The following FHIT variants were observed in gnomAD, a reference collection of about 807,000 sequenced individuals.
FHIT encodes the protein fragile histidine triad diadenosine triphosphatase, also known as bis(5'-adenosyl)-triphosphatase.
In FHIT, 19 loss-of-function variants were observed where a neutral mutation model predicts 17.9. The observed-to-expected ratio is 1.06, with a 90% CI of 0.74 to 1.56. The LOEUF (loss-of-function observed/expected upper bound fraction) is 1.56, where lower values mean the gene tolerates loss of function less well. FHIT is among the 40% of genes most tolerant of loss of function. FHIT has a pLI of 0.00. For missense variants in FHIT, 248 were observed against 189.2 expected, an observed-to-expected ratio of 1.31 and a Z score of -1.82; for synonymous variants, 81 against 69.7, an observed-to-expected ratio of 1.16 and a Z score of -0.81.
At chr3:60,039,124 G>C (rs1202597063) in intron 5 of FHIT, among the ~76,000 whole-genome samples, 1 of 152,102 alleles carries the variant, frequency 6.6e-6, no homozygotes, top group Non-Finnish European at 1.5e-5. Context: ...TCCCTCTCTG[G>C]CTCCTTAAGG....
chr3:60,087,107 G>C (rs754664507), intron 5 of FHIT, among the ~76,000 whole-genome samples: 4 of 152,218 alleles, frequency 2.6e-5, no homozygotes, highest in Non-Finnish European at 2.9e-5. Flanking sequence ...CTCATGGCTT[G>C]CACCCTCCAG....
intron 3 of FHIT, among the ~76,000 whole-genome samples, chr3:60,826,549 T>C (rs1308394694): frequency 6.6e-6 from 1 of 152,120 alleles, no homozygotes; most frequent in East Asian, 1.9e-4. Context: ...TGGTCGAGGT[T>C]AGTTTTTTAA....
chr3:60,401,295 G>C (rs1701647814), intron 5 of FHIT, among the ~76,000 whole-genome samples: 1 of 152,102 alleles, frequency 6.6e-6, no homozygotes, highest in South Asian at 2.1e-4. Context: ...AGCTGTGCTG[G>C]TTATTCCTCA....
At chr3:60,860,249 G>C (rs1448729075) in intron 3 of FHIT, among the ~76,000 whole-genome samples, 9 of 136,978 alleles carry the variant, frequency 6.6e-5, no homozygotes, top group African/African-American at 2.6e-4. Context: ...TGGTATACAT[G>C]AGATACATCA....
At chr3:60,415,184 G>C (rs940245183) in intron 5 of FHIT, among the ~76,000 whole-genome samples, 14 of 152,158 alleles carry the variant, frequency 9.2e-5, no homozygotes, top group African/African-American at 3.4e-4. Context: ...TATGGATTTT[G>C]ATAGAGATAA....
At chr3:61,230,490 T>C (rs946692369) in intron 1 of FHIT, among the ~76,000 whole-genome samples, 2 of 152,162 alleles carry the variant, frequency 1.3e-5, no homozygotes, top group Non-Finnish European at 2.9e-5. Flanking sequence ...AGCCTGAAGA[T>C]CTGTGAGCCA....
Position 60,019,748 on chromosome 3 carries a change from T to A in FHIT, c.104-5596A>T, listed in dbSNP as rs536567010. Among the ~76,000 whole-genome samples the A allele has an allele frequency of 3.3e-5, 5 of 152,220 alleles. No individual in the cohort carries two copies. In the South Asian group the frequency reaches 1.0e-3, roughly 32 times the overall value. On this transcript the variant is annotated intron_variant, in intron 5 of 9. Coordinates refer to ENST00000492590, the MANE Select transcript of FHIT (RefSeq NM_002012.4). ...GGATCTTAAACATCAACTACTCCAA[T>A]ACCTTCACTGTCAGATTTTAAAAAT...
intron 3 of FHIT, among the ~76,000 whole-genome samples, chr3:60,886,088 T>C (rs145885484): frequency 1.8e-3 from 275 of 152,342 alleles, no homozygotes; most frequent in Non-Finnish European, 3.0e-3. Flanking sequence ...AAACACATCT[T>C]TGCCTTAATA....
chr3:61,117,603 T>A (rs1486125623), intron 2 of FHIT, among the ~76,000 whole-genome samples: 1 of 152,198 alleles, frequency 6.6e-6, no homozygotes, highest in Non-Finnish European at 1.5e-5. Context: ...AAAGCGATAC[T>A]TACTCTTCTA....
chr3:60,069,282 GTT>G (rs1702656787), intron 5 of FHIT, among the ~76,000 whole-genome samples: 1 of 152,112 alleles, frequency 6.6e-6, no homozygotes, highest in African/African-American at 2.4e-5. Context: ...AATGAAAAGT[GTT>G]TGTGTATTAA....
intron 8 of FHIT, among the ~76,000 whole-genome samples, chr3:59,871,206 G>A (rs1702907278): frequency 1.3e-5 from 2 of 152,168 alleles, no homozygotes; most frequent in Non-Finnish European, 2.9e-5. Context: ...TGGCAAGGAA[G>A]TGTGTACTCT....
intron 8 of FHIT, among the ~76,000 whole-genome samples, chr3:59,879,309 G>A (rs1485202723): frequency 1.3e-5 from 2 of 152,156 alleles, no homozygotes; most frequent in African/African-American, 4.8e-5. Context: ...GACTGTCACT[G>A]CAAGCCAGAA....
chr3:60,662,398 C>T (rs971014070), intron 4 of FHIT, among the ~76,000 whole-genome samples: 5 of 152,016 alleles, frequency 3.3e-5, no homozygotes, highest in Non-Finnish European at 5.9e-5. Context: ...CATTCGTCTC[C>T]GTGCCTATGT....
intron 4 of FHIT, among the ~76,000 whole-genome samples, chr3:60,579,461 G>C (rs1447073340): frequency 6.6e-6 from 1 of 152,040 alleles, no homozygotes; most frequent in Non-Finnish European, 1.5e-5. Context: ...AACATTTCTT[G>C]ATCATAAAAA....
At chr3:59,847,794 C>T (rs116175007) in intron 8 of FHIT, among the ~76,000 whole-genome samples, 1,535 of 152,246 alleles carry the variant, frequency 0.01, 16 homozygotes, top group Non-Finnish European at 0.015. Context: ...TAGCAAGGAT[C>T]ACTCTGAGGT....
At chr3:60,210,626 G>T (rs182380150) in intron 5 of FHIT, among the ~76,000 whole-genome samples, 64 of 152,164 alleles carry the variant, frequency 4.2e-4, no homozygotes, top group African/African-American at 1.5e-3. Flanking sequence ...AAATGCAAAT[G>T]GGCCTTAAAC....
intron 3 of FHIT, among the ~76,000 whole-genome samples, chr3:61,027,633 T>C (rs967012090): frequency 2.0e-5 from 3 of 152,248 alleles, no homozygotes; most frequent in Non-Finnish European, 4.4e-5. Flanking sequence ...GTGGCTGTTA[T>C]ATTCTGAATA....
intron 2 of FHIT, among the ~76,000 whole-genome samples, chr3:61,148,793 T>C (rs903855696): frequency 1.3e-5 from 2 of 152,220 alleles, no homozygotes; most frequent in Non-Finnish European, 2.9e-5. Context: ...TATTTTATTT[T>C]AACAGTATAT....
intron 9 of FHIT, chr3:59,750,089 A>G (rs1700808619): frequency 8.9e-6 from 2 of 225,946 alleles, no homozygotes; most frequent in South Asian, 1.8e-4. Context: ...CTTTCTGGTA[A>G]GATGTACAAG....
Sources: gnomAD v4.1 joint callset for allele counts (sites outside exome capture counted in the v4.1 genomes callset) on GRCh38, gnomAD v4.1.1 for gene constraint, MANE v1.5 for transcripts, NCBI Gene and HGNC (gene_info 2026-07-23, HGNC 2026-07-21) for gene names.